Variants in FAIM2 observed in about 807,000 individuals in gnomAD.
FAIM2 encodes the protein Fas apoptotic inhibitory molecule 2.
In FAIM2, 27 loss-of-function variants were observed where a neutral mutation model predicts 47.4. The ratio of observed to expected loss-of-function variants is 0.57; its 90% CI spans 0.42 to 0.78. FAIM2 has a LOEUF of 0.78. FAIM2 is among the 30% of genes least tolerant of loss of function. The pLI is 0.00. For missense variants in FAIM2, 311 were observed against 389.4 expected, an observed-to-expected ratio of 0.80 and a Z score of 1.69; for synonymous variants, 156 against 159.3, an observed-to-expected ratio of 0.98 and a Z score of 0.16.
At chr12:49,877,949 C>T (rs944368894) in intron 11 of FAIM2, among the ~76,000 whole-genome samples, 39 of 144,088 alleles carry the variant, frequency 2.7e-4, no homozygotes, top group African/African-American at 9.8e-4. Flanking sequence ...TGTATATGTG[C>T]GTATGTGTGT....
chr12:49,877,776 G>A (rs1212437688), intron 11 of FAIM2, among the ~76,000 whole-genome samples: 6 of 151,992 alleles, frequency 3.9e-5, no homozygotes, highest in African/African-American at 1.5e-4. Flanking sequence ...GTATGTATAT[G>A]TGTGTGCATG....
At chr12:49,903,724 G>A in intron 1 of FAIM2, 54 bp downstream of exon 1, 1 of 1,549,814 alleles carries the variant, frequency 6.5e-7, no homozygotes, top group Non-Finnish European at 8.7e-7. Context: ...GAGGATGACA[G>A]GGAGCCGGGA....
chr12:49,889,726 T>A (rs1946886204), intron 8 of FAIM2, among the ~76,000 whole-genome samples, 158 bp from the exon 9 acceptor site: 1 of 152,094 alleles, frequency 6.6e-6, no homozygotes, highest in Non-Finnish European at 1.5e-5. Flanking sequence ...CTCCCCAGCC[T>A]TTCTGTTGGG....
intron 11 of FAIM2, 126 bp downstream of exon 11, chr12:49,887,260 G>T: frequency 1.2e-6 from 1 of 831,980 alleles, no homozygotes; most frequent in Non-Finnish European, 2.0e-6. Flanking sequence ...ACCGAGCCTA[G>T]CCCTACCCGC....
At chr12:49,883,001 C>A (rs541052173) in intron 11 of FAIM2, among the ~76,000 whole-genome samples, 25 of 152,246 alleles carry the variant, frequency 1.6e-4, no homozygotes. Context: ...AGGGACAGAG[C>A]TGCACACACT....
Position 49,890,088 on chromosome 12 carries a change from C to T in FAIM2, c.563+29G>A, listed in dbSNP as rs757763585. On this transcript the variant is annotated intron_variant, in intron 8 of 11. Coordinates refer to ENST00000320634, the MANE Select transcript of FAIM2 (RefSeq NM_012306.4). Reference sequence around the variant, plus strand: ...CCTGGCTCCAAGCCTGGCCTATGGTCCTTCTCTCCTTCCACCTGTTCCCTT... The same window carrying T: ...CCTGGCTCCAAGCCTGGCCTATGGTTCTTCTCTCCTTCCACCTGTTCCCTT... 2.5e-6 allele frequency: 4 copies of T among 1,611,578 alleles called. No individual in the cohort carries two copies. The Admixed American group carries it at 5.0e-5, about 20-fold the overall frequency.
intron 11 of FAIM2, 122 bp downstream of exon 11, chr12:49,887,264 T>A (rs927783682): frequency 2.3e-6 from 2 of 868,292 alleles, no homozygotes; most frequent in African/African-American, 3.3e-5. Flanking sequence ...AGCCTAGCCC[T>A]ACCCGCAGGT....
At chr12:49,880,170 G>GTC (rs1181842113) in intron 11 of FAIM2, among the ~76,000 whole-genome samples, 2 of 144,498 alleles carry the variant, frequency 1.4e-5, no homozygotes, top group Admixed American at 6.9e-5. Context: ...ATGTGTGTAT[G>GTC]TGTGTGTATG....
At chr12:49,890,830 C>G in intron 6 of FAIM2, 108 bp from the exon 7 acceptor site, 1 of 956,310 alleles carries the variant, frequency 1.0e-6, no homozygotes, top group Non-Finnish European at 1.7e-6. Flanking sequence ...CCTCCACACT[C>G]CTCAGAGCCT....
At chr12:49,882,316 G>T (rs946460156) in intron 11 of FAIM2, among the ~76,000 whole-genome samples, 4 of 152,192 alleles carry the variant, frequency 2.6e-5, no homozygotes, top group Non-Finnish European at 5.9e-5. Flanking sequence ...GAGTCCGCAG[G>T]CCTGAGGGTC....
intron 4 of FAIM2, 103 bp downstream of exon 4, chr12:49,897,405 CCCCACAGGCAT>C: frequency 1.0e-6 from 1 of 989,650 alleles, no homozygotes; most frequent in Non-Finnish European, 1.6e-6. Context: ...AGGCCCACTG[CCCCACAGGCAT>C]CTCTCCAGGC....
intron 6 of FAIM2, 94 bp from the exon 7 acceptor site, chr12:49,890,816 A>G: frequency 9.5e-7 from 1 of 1,049,054 alleles, no homozygotes; most frequent in Non-Finnish European, 1.5e-6. Context: ...TCTCTGACCA[A>G]CCCCCTCCAC....
At position 49,868,773 on chromosome 12, in the gene FAIM2, TG is replaced by T. The variant is rs1172202428; in HGVS notation, c.*1730del. The T allele has an allele frequency of 7.2e-5, 11 of 152,236 alleles. No individual in the cohort carries two copies. The highest frequency in any genetic ancestry group is 2.7e-4 in the African/African-American group (11 of 41,440). The allele number at this position is 152,236 out of a possible 1,614,324, so 9.4% of individuals were successfully genotyped here. On this transcript the variant is annotated 3_prime_UTR_variant, in exon 12 of 12. Coordinates refer to ENST00000320634, the MANE Select transcript of FAIM2 (RefSeq NM_012306.4). Reference sequence around the variant, plus strand: ...CGCTGTCTCTGGAGGATCACTGCGATGGATTAATTTAGACCAGCACACAGTG... The same window carrying T: ...CGCTGTCTCTGGAGGATCACTGCGATGATTAATTTAGACCAGCACACAGTG...
intron 11 of FAIM2, among the ~76,000 whole-genome samples, chr12:49,876,705 G>A (rs1191296731): frequency 2.6e-5 from 4 of 152,110 alleles, no homozygotes; most frequent in Non-Finnish European, 5.9e-5. Context: ...CCAGGAGGCA[G>A]AGCTTGCAGT....
chr12:49,885,659 T>C lies in FAIM2; in HGVS notation c.801+1727A>G, dbSNP rs538165697. Among the ~76,000 whole-genome samples, 7 of 152,294 alleles carry C rather than the reference T, an allele frequency of 4.6e-5. No homozygotes were observed. The East Asian group carries it at 9.6e-4, about 21-fold the overall frequency. ...GGTAGCCTGGGGTAAGCTGACACTT[T>C]AGTCTTGATCAAGACCACATTGAGC... On this transcript the variant is annotated intron_variant, in intron 11 of 11. Transcript: ENST00000320634.
Position 49,879,137 on chromosome 12 carries a change from C to T in FAIM2, c.801+8249G>A, listed in dbSNP as rs1193283105. Among the ~76,000 whole-genome samples the T allele has an allele frequency of 1.7e-5, 2 of 119,756 alleles. 1 individual carries two copies. Among genetic ancestry groups the T allele is most frequent in the Non-Finnish European group, 3.4e-5 (2 of 58,342 alleles). 78.6% of individuals were successfully genotyped at this position (119,756 alleles called of 152,430 possible). A position where few individuals can be genotyped will look rare whatever the true frequency, so the allele number is the denominator to read the frequency against. On this transcript the variant is annotated intron_variant, in intron 11 of 11. Transcript: ENST00000320634. ...GCATGTGTATATGTGCATATCTCTG[C>T]ATGTTTGTGTATGTGCATGTGTATG...
Position 49,868,496 on chromosome 12 carries a change from C to G in FAIM2, c.*2008G>C, listed in dbSNP as rs372179240. 1 of 152,176 alleles carries G rather than the reference C, an allele frequency of 6.6e-6. No individual in the cohort carries two copies. The highest frequency in any genetic ancestry group is 6.5e-5 in the Admixed American group (1 of 15,280). The allele number at this position is 152,176 out of a possible 1,614,324, so 9.4% of individuals were successfully genotyped here. A position where few individuals can be genotyped will look rare whatever the true frequency, so the allele number is the denominator to read the frequency against. ...ATCTGGCGAGGGGTTTCAGGAAAGA[C>G]GGGAGGCCGGGTGGCACTGAGGACA... On this transcript the variant is annotated 3_prime_UTR_variant, in exon 12 of 12. Coordinates refer to ENST00000320634, the MANE Select transcript of FAIM2 (RefSeq NM_012306.4).
intron 2 of FAIM2, among the ~76,000 whole-genome samples, chr12:49,898,596 G>A (rs1287778411): frequency 6.6e-6 from 1 of 152,160 alleles, no homozygotes; most frequent in Non-Finnish European, 1.5e-5. Context: ...CATGATCATG[G>A]CTCACGGCAG....
chr12:49,892,371 A>G lies in FAIM2; in HGVS notation c.435-1257T>C, dbSNP rs188706228. 2.8e-3 allele frequency among the ~76,000 whole-genome samples: 427 copies of G among 152,152 alleles called. 2 individuals are homozygous for G. Among genetic ancestry groups the G allele is most frequent in the African/African-American group, 9.6e-3 (397 of 41,484 alleles). ...ACCAACACCTTCCCTGGCTCCAGCT[A>G]CTGCCACTTCATCCTCTCTTGCAGC... is the stretch of plus-strand genomic sequence containing the variant. On this transcript the variant is annotated intron_variant, in intron 5 of 11. Coordinates refer to ENST00000320634, the MANE Select transcript of FAIM2 (RefSeq NM_012306.4).
Sources: allele counts gnomAD v4.1 joint callset (sites outside exome capture counted in the v4.1 genomes callset), GRCh38; gene constraint gnomAD v4.1.1; transcripts MANE v1.5; gene names NCBI Gene and HGNC (gene_info 2026-07-23, HGNC 2026-07-21).